CDH18: variants seen among roughly 807,000 people sequenced by gnomAD.
CDH18 encodes the protein cadherin-18.
Under a neutral mutation model 67.9 loss-of-function variants are expected in CDH18, and 31 were observed. The ratio of observed to expected loss-of-function variants is 0.46; its 90% CI spans 0.34 to 0.62. The LOEUF (loss-of-function observed/expected upper bound fraction) is 0.62. Ranked by LOEUF, CDH18 falls within the 20% of genes least tolerant of loss-of-function variation. CDH18 has a pLI of 0.01. For missense variants in CDH18, 890 were observed against 975.5 expected (o/e 0.91, Z 1.17); for synonymous variants, 362 against 347.2 (o/e 1.04, Z -0.48).
intron 2 of CDH18, among the ~76,000 whole-genome samples, chr5:20,149,269 T>C (rs894342165): frequency 6.6e-6 from 1 of 152,208 alleles, no homozygotes; most frequent in African/African-American, 2.4e-5. Flanking sequence ...ATAAATACAG[T>C]TCTCAATGGG....
intron 3 of CDH18, among the ~76,000 whole-genome samples, chr5:19,816,068 T>G (rs1286598860): frequency 6.6e-6 from 1 of 152,042 alleles, no homozygotes; most frequent in East Asian, 1.9e-4. Flanking sequence ...TTTTGTTTAT[T>G]CAGAAAACAA....
intron 5 of CDH18, among the ~76,000 whole-genome samples, chr5:19,643,544 A>G (rs953785240): frequency 1.3e-5 from 2 of 152,160 alleles, no homozygotes; most frequent in Admixed American, 6.5e-5. Context: ...ATGTACTTAG[A>G]GGACAGTATG....
In CDH18 at chr5:19,811,608, G is replaced by A. The variant is rs563844239; in HGVS notation, c.228+27151C>T. On this transcript the variant is annotated intron_variant, in intron 3 of 12. Coordinates refer to ENST00000382275, the MANE Select transcript of CDH18 (RefSeq NM_004934.5). ...GGCAGCTCTAGGAAATAAATACACA[G>A]ACCAAAAAATATAAAAAGAAAAAAA... Among the ~76,000 whole-genome samples, 4 of 151,974 alleles carry A rather than the reference G, an allele frequency of 2.6e-5. No individual in the cohort carries two copies. The South Asian group carries it at 8.3e-4, about 32-fold the overall frequency.
In CDH18 at chr5:19,665,450, T is replaced by C. The variant is rs149091253; in HGVS notation, c.644-52849A>G. On this transcript the variant is annotated intron_variant, in intron 5 of 12. Transcript: ENST00000382275. ...TGTATGTGGAAAACTGAAAGACAAC[T>C]GGTAGTTAAAGAAATGCTGCTTCTT... 4.8e-4 allele frequency among the ~76,000 whole-genome samples: 73 copies of C among 152,212 alleles called. 1 individual carries two copies. Among genetic ancestry groups the C allele is most frequent in the African/African-American group, 1.7e-3 (71 of 41,578 alleles).
chr5:19,960,561 ATG>A (rs146985982), intron 2 of CDH18, among the ~76,000 whole-genome samples: 43,764 of 120,884 alleles, frequency 0.36, 8,353 homozygotes, highest in Admixed American at 0.42. Context: ...GTGTGTGTGT[ATG>A]TGTGTGTGTG....
intron 5 of CDH18, among the ~76,000 whole-genome samples, chr5:19,651,415 A>T (rs1437266531): frequency 6.6e-6 from 1 of 152,104 alleles, no homozygotes; most frequent in East Asian, 1.9e-4. Context: ...ATTATTAAAG[A>T]TATCATAACA....
In CDH18 at chr5:20,072,892, T is replaced by C. The variant is rs1315469458; in HGVS notation, c.-517-80878A>G. Among the ~76,000 whole-genome samples the C allele has an allele frequency of 2.0e-5, 3 of 152,116 alleles. No homozygotes were observed. The East Asian group carries it at 5.8e-4, about 29-fold the overall frequency. ...TTGAATGTATTTTCATATATACGTA[T>C]ATTGTTATGGTTGAAAACACATTAG... On this transcript the variant is annotated intron_variant, in intron 2 of 14. Coordinates refer to the CDH18 transcript ENST00000507958.
At chr5:19,902,108 T>C (rs1579506301) in intron 2 of CDH18, among the ~76,000 whole-genome samples, 1 of 152,118 alleles carries the variant, frequency 6.6e-6, no homozygotes, top group East Asian at 1.9e-4. Flanking sequence ...TTTTAACATA[T>C]TCGTAATACT....
chr5:20,215,609 C>G (rs995493891), intron 2 of CDH18, among the ~76,000 whole-genome samples: 45 of 151,916 alleles, frequency 3.0e-4, no homozygotes, highest in Non-Finnish European at 6.2e-4. Context: ...ATTTAACTCA[C>G]AATTCCATTA....
intron 1 of CDH18, among the ~76,000 whole-genome samples, chr5:20,264,045 GAATT>G (rs1744854626): frequency 6.6e-6 from 1 of 151,792 alleles, no homozygotes; most frequent in South Asian, 2.1e-4. Flanking sequence ...TTTGTAAAAG[GAATT>G]AATAACAATG....
rs557743148 is a variant in CDH18 at position 19,768,576 on chromosome 5, T to C, written c.229-21340A>G. Among the ~76,000 whole-genome samples the C allele has an allele frequency of 6.6e-5, 10 of 152,262 alleles. No individual in the cohort carries two copies. In the East Asian group the frequency reaches 1.7e-3, roughly 27 times the overall value. On this transcript the variant is annotated intron_variant, in intron 3 of 12. Transcript: ENST00000382275. ...CCTCAACATATACAACGCTGCCCCA[T>C]AGTAAATGTTAATATATATATTGGT...
At chr5:20,241,931 C>A (rs991687261) in intron 2 of CDH18, among the ~76,000 whole-genome samples, 27 of 141,608 alleles carry the variant, frequency 1.9e-4, no homozygotes, top group Admixed American at 1.6e-3. Flanking sequence ...AGGCACTGTG[C>A]AAACTCTCAA....
At chr5:20,078,494 C>T (rs914269252) in intron 2 of CDH18, among the ~76,000 whole-genome samples, 1 of 151,582 alleles carries the variant, frequency 6.6e-6, no homozygotes, top group Admixed American at 6.6e-5. Flanking sequence ...AAAACAAAAA[C>T]AGATGTTCAC....
intron 3 of CDH18, among the ~76,000 whole-genome samples, chr5:19,782,688 G>C (rs1202262669): frequency 1.3e-5 from 2 of 152,132 alleles, no homozygotes; most frequent in South Asian, 4.1e-4. Context: ...TTTGGAAGGA[G>C]TTGCTTAGAC....
intron 1 of CDH18, among the ~76,000 whole-genome samples, chr5:20,486,681 G>GTATATATATATATATATA (rs750113034): frequency 0.034 from 4,145 of 122,122 alleles, 161 homozygotes; most frequent in Non-Finnish European, 0.05. Context: ...TGCTATTTTT[G>GTATATATATATATATATA]TATATATATA....
chr5:20,095,904 A>G (rs1341196165), intron 2 of CDH18, among the ~76,000 whole-genome samples: 2 of 152,078 alleles, frequency 1.3e-5, no homozygotes, highest in Admixed American at 1.3e-4. Context: ...AAGTATTAGC[A>G]GATTGGATGT....
intron 2 of CDH18, among the ~76,000 whole-genome samples, chr5:20,078,688 C>A (rs538511540): frequency 1.3e-5 from 2 of 151,818 alleles, no homozygotes; most frequent in African/African-American, 2.4e-5. Context: ...CTGCAATCCC[C>A]GCCTCCTGGG....
intron 1 of CDH18, among the ~76,000 whole-genome samples, chr5:20,526,216 A>G (rs1756048410): frequency 6.6e-6 from 1 of 152,086 alleles, no homozygotes; most frequent in Non-Finnish European, 1.5e-5. Flanking sequence ...GCCTCCCTGT[A>G]GGACTTTAGC....
intron 2 of CDH18, among the ~76,000 whole-genome samples, chr5:19,944,441 A>G (rs561120886): frequency 6.6e-4 from 100 of 152,278 alleles, no homozygotes; most frequent in Non-Finnish European, 1.2e-3. Flanking sequence ...CCTAAAACTA[A>G]GTTTTTGATT....
Sources: allele counts gnomAD v4.1 joint callset (sites outside exome capture counted in the v4.1 genomes callset), GRCh38; gene constraint gnomAD v4.1.1; transcripts MANE v1.5; gene names NCBI Gene and HGNC (gene_info 2026-07-23, HGNC 2026-07-21).